Variants in ERBB4 observed in about 807,000 individuals in gnomAD.
ERBB4 encodes the protein receptor tyrosine-protein kinase erbB-4.
In ERBB4, 42 loss-of-function variants were observed where a neutral mutation model predicts 158.0. The observed-to-expected ratio is 0.27, with a 90% CI of 0.21 to 0.34. The LOEUF (loss-of-function observed/expected upper bound fraction) is 0.34. Among genes scored for constraint, ERBB4 ranks in the 10% least tolerant of loss-of-function variants. The pLI, the probability that ERBB4 is intolerant of heterozygous loss-of-function variation, is 1.00. For missense variants in ERBB4, 1,333 were observed against 1,624.1 expected, an observed-to-expected ratio of 0.82 and a Z score of 3.08; for synonymous variants, 583 against 558.7, an observed-to-expected ratio of 1.04 and a Z score of -0.61.
At chr2:212,468,235 T>C (rs1688938391) in intron 1 of ERBB4, among the ~76,000 whole-genome samples, 1 of 152,132 alleles carries the variant, frequency 6.6e-6, no homozygotes. Context: ...TGGGGGACTG[T>C]TGGGAAAACA....
intron 1 of ERBB4, among the ~76,000 whole-genome samples, chr2:212,179,880 T>C (rs1031812409): frequency 1.3e-5 from 2 of 151,624 alleles, no homozygotes; most frequent in African/African-American, 4.8e-5. Flanking sequence ...TTATTTTTCA[T>C]GATATTGAGA....
intron 1 of ERBB4, among the ~76,000 whole-genome samples, chr2:212,157,671 G>T (rs1201805125): frequency 1.3e-5 from 2 of 152,006 alleles, no homozygotes; most frequent in Admixed American, 6.6e-5. Context: ...AGAATAAGAA[G>T]CTTGTTTATG....
chr2:211,431,262 C>A (rs1211131404), intron 20 of ERBB4, among the ~76,000 whole-genome samples, 162 bp from the exon 21 acceptor site: 1 of 152,202 alleles, frequency 6.6e-6, no homozygotes. Flanking sequence ...ATTTGGGGGA[C>A]AGCAAACCAC....
At chr2:212,312,511 T>C (rs2087095727) in intron 1 of ERBB4, among the ~76,000 whole-genome samples, 2 of 151,006 alleles carry the variant, frequency 1.3e-5, no homozygotes, top group Non-Finnish European at 3.0e-5. Context: ...TTGCTACTGA[T>C]ATTGTTGGCA....
chr2:211,388,251 A>G (rs890695585), intron 25 of ERBB4, among the ~76,000 whole-genome samples: 1 of 152,206 alleles, frequency 6.6e-6, no homozygotes, highest in Non-Finnish European at 1.5e-5. Context: ...AAATTTTTCA[A>G]TGGATTAGAA....
rs77856315 is a variant in ERBB4 at position 211,562,325 on chromosome 2, T to C, written c.2302-237A>G. Among the ~76,000 whole-genome samples the C allele has an allele frequency of 0.035, 5,401 of 152,306 alleles. 320 individuals are homozygous for C. Among genetic ancestry groups the C allele is most frequent in the African/African-American group, 0.12 (5,129 of 41,558 alleles). On this transcript the variant is annotated intron_variant, in intron 19 of 27. Transcript: ENST00000342788. ...AACATGGAAGCTGTTATACAATAAC[T>C]GCCTACACAATTAATAGCAGTATTT...
At chr2:212,169,135 C>T (rs575970863) in intron 1 of ERBB4, among the ~76,000 whole-genome samples, 2 of 152,212 alleles carry the variant, frequency 1.3e-5, no homozygotes, top group South Asian at 4.1e-4. Flanking sequence ...TTTAAGTTCA[C>T]ATACTGTTTG....
Position 211,712,151 on chromosome 2 carries a change from T to C in ERBB4, c.1023A>G (p.Ser341=), listed in dbSNP as rs1300630266. ...AATCCACAGTCTGAGCTGACATCAA[T>C]GATCCTGTGCCAATGCCATCACAAG... ...PKACDGIGTG[S]LMSAQTVDSS... The change falls in exon 9 of 28, where the codon TCA becomes TCG. Residue 341 remains serine (S), a synonymous_variant. Transcript: ENST00000342788. 1 of 1,613,492 alleles carries C rather than the reference T, an allele frequency of 6.2e-7. No homozygotes were observed. Among genetic ancestry groups the C allele is most frequent in the Non-Finnish European group, 8.5e-7 (1 of 1,179,484 alleles).
rs2072205023 is a variant in ERBB4, at chr2:211,678,754, T to TA, written c.1622+297dup. 3.3e-5 allele frequency among the ~76,000 whole-genome samples: 5 copies of TA among 151,732 alleles called. No individual in the cohort carries two copies. The South Asian group carries it at 1.0e-3, about 32-fold the overall frequency. The stretch of plus-strand genomic sequence containing the variant: ...GGCCAAGGCAGGCGGATCACTAGGT[T>TA]AGGAGTTCGAGACCATCCTGGCTAA... On this transcript the variant is annotated intron_variant, in intron 13 of 27. Transcript: ENST00000342788.
chr2:211,509,190 T>C (rs1353562967), intron 20 of ERBB4, among the ~76,000 whole-genome samples: 1 of 149,970 alleles, frequency 6.7e-6, no homozygotes, highest in Non-Finnish European at 1.5e-5. Context: ...TGTCGGGGAG[T>C]GGGGGACAAG....
chr2:211,742,721 C>A (rs1277340585), intron 5 of ERBB4, among the ~76,000 whole-genome samples: 3 of 151,908 alleles, frequency 2.0e-5, no homozygotes, highest in Admixed American at 2.0e-4. Context: ...ATTTTCCTAG[C>A]ATATTCTATA....
At chr2:212,160,666 C>A (rs1005744125) in intron 1 of ERBB4, among the ~76,000 whole-genome samples, 5 of 152,018 alleles carry the variant, frequency 3.3e-5, no homozygotes, top group African/African-American at 1.2e-4. Flanking sequence ...CCAAATTCTA[C>A]TGAAAATTCA....
intron 14 of ERBB4, among the ~76,000 whole-genome samples, chr2:211,672,150 T>C (rs1263212976): frequency 1.3e-5 from 2 of 152,128 alleles, no homozygotes; most frequent in Non-Finnish European, 1.5e-5. Context: ...CAATGATATA[T>C]ATATTTTTTC....
At chr2:212,323,071 T>C (rs2087643362) in intron 1 of ERBB4, among the ~76,000 whole-genome samples, 2 of 150,530 alleles carry the variant, frequency 1.3e-5, no homozygotes, top group Non-Finnish European at 3.0e-5. Context: ...AGAGTAATCC[T>C]TTATACACTA....
At chr2:212,285,579 C>G (rs2085929363) in intron 1 of ERBB4, among the ~76,000 whole-genome samples, 1 of 151,754 alleles carries the variant, frequency 6.6e-6, no homozygotes, top group South Asian at 2.1e-4. Flanking sequence ...ATATATGGTC[C>G]CAAATGCTAG....
At chr2:212,232,849 A>C (rs2083716401) in intron 1 of ERBB4, among the ~76,000 whole-genome samples, 1 of 152,230 alleles carries the variant, frequency 6.6e-6, no homozygotes, top group African/African-American at 2.4e-5. Flanking sequence ...CCAAGAAGAA[A>C]ACAGGGTAAG....
intron 20 of ERBB4, among the ~76,000 whole-genome samples, chr2:211,454,650 A>G (rs541843212): frequency 6.6e-6 from 1 of 152,320 alleles, no homozygotes; most frequent in South Asian, 2.1e-4. Flanking sequence ...AAAGTAACAG[A>G]AGATGTCAGT....
intron 1 of ERBB4, among the ~76,000 whole-genome samples, chr2:212,524,984 G>T (rs1692370792): frequency 6.6e-6 from 1 of 151,868 alleles, no homozygotes. Flanking sequence ...TGTTTGATTG[G>T]GTTAAGTCAG....
In ERBB4 at chr2:211,459,195, A is replaced by C. The variant is rs554889708; in HGVS notation, c.2488-28095T>G. Reference sequence around the variant, plus strand: ...GTCAGCATATGTCAGTGTTCAGAAAATGTTGAAATGAGATTATTTATGTAA... The same window carrying C: ...GTCAGCATATGTCAGTGTTCAGAAACTGTTGAAATGAGATTATTTATGTAA... On this transcript the variant is annotated intron_variant, in intron 20 of 27. Transcript: ENST00000342788. Among the ~76,000 whole-genome samples the C allele has an allele frequency of 1.6e-4, 25 of 152,340 alleles. No homozygotes were observed. The South Asian group carries it at 5.0e-3, about 30-fold the overall frequency.
Sources: gnomAD v4.1 joint callset for allele counts (sites outside exome capture counted in the v4.1 genomes callset) on GRCh38, gnomAD v4.1.1 for gene constraint, MANE v1.5 for transcripts, NCBI Gene and HGNC (gene_info 2026-07-23, HGNC 2026-07-21) for gene names.